TG: variants seen among roughly 807,000 people sequenced by gnomAD.
The protein encoded by TG is thyroglobulin, also known as thyroid hormones.
Under a neutral mutation model 324.7 loss-of-function variants are expected in TG, and 270 were observed. That is an observed-to-expected ratio of 0.83 (90% CI 0.75 to 0.92). The LOEUF is 0.92. Among genes scored for constraint, TG ranks in the 40% least tolerant of loss-of-function variants. The probability of loss-of-function intolerance (pLI) is 0.00; values close to 1 mark genes in which losing one functional copy is unlikely to be tolerated. For missense variants in TG, 3,591 were observed against 3,456.4 expected (o/e 1.04, Z -0.98); for synonymous variants, 1,401 against 1,327.0 (o/e 1.06, Z -1.21).
At chr8:133,019,015 T>C (rs1835314727) in intron 38 of TG, among the ~76,000 whole-genome samples, 2 of 152,236 alleles carry the variant, frequency 1.3e-5, no homozygotes, top group Admixed American at 6.5e-5. Context: ...ATGTACCCAT[T>C]TGACAGATGA....
chr8:133,092,940 C>T (rs551083578), intron 41 of TG, among the ~76,000 whole-genome samples: 1 of 152,336 alleles, frequency 6.6e-6, no homozygotes, highest in South Asian at 2.1e-4. Flanking sequence ...ACGCCTTTAA[C>T]CACTTCCTCA....
At chr8:132,908,981 G>A (rs1819104260) in intron 18 of TG, among the ~76,000 whole-genome samples, 1 of 152,184 alleles carries the variant, frequency 6.6e-6, no homozygotes, top group Non-Finnish European at 1.5e-5. Context: ...TAAAATTGAG[G>A]GAACCGGTAT....
At position 133,070,029 on chromosome 8, in the gene TG, A is replaced by AAAAAAAAAC. The variant is rs376711807; in HGVS notation, c.7240-25014_7240-25013insAAAAAAACA. 1.4e-4 allele frequency among the ~76,000 whole-genome samples: 15 copies of AAAAAAAAAC among 109,810 alleles called. 5 individuals are homozygous for AAAAAAAAAC. The highest frequency in any genetic ancestry group is 2.3e-4 in the African/African-American group (6 of 25,790). 72.0% of individuals were successfully genotyped at this position (109,810 alleles called of 152,430 possible). On this transcript the variant is annotated intron_variant, in intron 41 of 47. Transcript: ENST00000220616. ...AAAAAAAAAAAAAAAAAAAAAAAGA[A>AAAAAAAAAC]AGAAAGAAAGAAAAGAAAAGAAGAA...
rs757630170 is a variant in TG, at chr8:132,882,972, C to T, written c.1048C>T (p.Arg350Trp). The change falls in exon 8 of 48, where the codon CGG (arginine) becomes TGG (tryptophan). Residue 350 changes from arginine to tryptophan, a missense_variant. Physicochemically the swap from Arg to Trp is moderately radical, Grantham distance 101. Coordinates refer to ENST00000220616, the MANE Select transcript of TG (RefSeq NM_003235.5). Reference protein sequence around the residue: ...DAQGKEMHGTRQQGEPPSCAE... With the variant: ...DAQGKEMHGTWQQGEPPSCAE... Reference sequence around the variant, plus strand: ...CCAGGGGAAGGAAATGCATGGAACCCGGCAGCAAGGGGAGCCGCCATCTTG... The same window carrying T: ...CCAGGGGAAGGAAATGCATGGAACCTGGCAGCAAGGGGAGCCGCCATCTTG... 1.9e-6 allele frequency: 3 copies of T among 1,613,846 alleles called. No homozygotes were observed. The highest frequency in any genetic ancestry group is 1.7e-6 in the Non-Finnish European group (2 of 1,179,954).
chr8:132,989,155 A>G (rs1381818447), intron 35 of TG, among the ~76,000 whole-genome samples: 1 of 152,226 alleles, frequency 6.6e-6, no homozygotes, highest in Non-Finnish European at 1.5e-5. Flanking sequence ...CAGCACAGGA[A>G]AGACCTGCCC....
intron 11 of TG, among the ~76,000 whole-genome samples, chr8:132,897,426 T>G (rs1280837678): frequency 6.6e-6 from 1 of 152,246 alleles, no homozygotes; most frequent in African/African-American, 2.4e-5. Flanking sequence ...TACTATAATA[T>G]TCTTTCAAGC....
chr8:133,010,078 A>T (rs1834372258), intron 35 of TG, among the ~76,000 whole-genome samples: 1 of 152,230 alleles, frequency 6.6e-6, no homozygotes, highest in Non-Finnish European at 1.5e-5. Flanking sequence ...ACCCTTTCAT[A>T]CCTGGGGATA....
Position 133,019,610 on chromosome 8 carries a change from G to T in TG, c.6791G>T (p.Cys2264Phe), listed in dbSNP as rs1229345000. 1.2e-6 allele frequency: 2 copies of T among 1,613,666 alleles called. No homozygotes were observed. The highest frequency in any genetic ancestry group is 1.7e-4 in the Middle Eastern group (1 of 6,060). ...SWDASKPRAS[C>F]WQPGTRTSTS... ...CCAGTCTGTATCTGCAGGGCCAGCT[G>T]CTGGCAGCCAGGCACCAGAACATCC... Residue 2264 changes from cysteine (C) to phenylalanine (F), a missense_variant, in exon 39 of 48, where the codon TGC (cysteine) becomes TTC (phenylalanine). By Grantham distance (205) the Cys-to-Phe change is radical. Transcript: ENST00000220616.
At chr8:132,894,059 A>T (rs1816750651) in intron 11 of TG, 130 bp downstream of exon 11, 1 of 1,441,936 alleles carries the variant, frequency 6.9e-7, no homozygotes, top group South Asian at 1.2e-5. Context: ...CTTGGGAAGG[A>T]AAAGGCAAAG....
At chr8:133,010,675 C>T (rs1834425015) in intron 35 of TG, among the ~76,000 whole-genome samples, 1 of 152,206 alleles carries the variant, frequency 6.6e-6, no homozygotes. Flanking sequence ...GACCTAGACT[C>T]ACAGTCCTTT....
At chr8:132,938,494 A>G (rs781689274) in intron 25 of TG, among the ~76,000 whole-genome samples, 1 of 152,210 alleles carries the variant, frequency 6.6e-6, no homozygotes, top group Non-Finnish European at 1.5e-5. Flanking sequence ...TGAGTCTGAA[A>G]GGCCTTCCTG....
chr8:133,039,467 A>T (rs1413166823), intron 41 of TG, among the ~76,000 whole-genome samples: 1 of 152,178 alleles, frequency 6.6e-6, no homozygotes, highest in East Asian at 1.9e-4. Flanking sequence ...CTGGATTGAT[A>T]CTGAATTATT....
chr8:132,967,737 T>C (rs1828842085), intron 30 of TG, 57 bp from the exon 31 acceptor site: 15 of 1,588,834 alleles, frequency 9.4e-6, no homozygotes, highest in Non-Finnish European at 1.3e-5. Flanking sequence ...CCTGTAGAGA[T>C]TATTCTCCCC....
At chr8:133,021,427 C>G (rs1835552218) in intron 39 of TG, among the ~76,000 whole-genome samples, 1 of 152,248 alleles carries the variant, frequency 6.6e-6, no homozygotes, top group African/African-American at 2.4e-5. Context: ...GCAGCCATCT[C>G]TGACACCTGC....
intron 35 of TG, chr8:133,002,901 G>A: frequency 1.6e-6 from 1 of 615,004 alleles, no homozygotes; most frequent in Non-Finnish European, 2.1e-6. Flanking sequence ...TTCCAGTTTT[G>A]CCATGGTAAC....
chr8:133,097,723 T>C (rs1438348690), intron 43 of TG, among the ~76,000 whole-genome samples: 3 of 152,234 alleles, frequency 2.0e-5, no homozygotes, highest in African/African-American at 7.2e-5. Context: ...TCTGGAGATG[T>C]AGAGATGTGA....
intron 41 of TG, among the ~76,000 whole-genome samples, chr8:133,081,333 A>C (rs1845708802): frequency 6.6e-6 from 1 of 152,268 alleles, no homozygotes; most frequent in South Asian, 2.1e-4. Context: ...TTTTGAATTA[A>C]AGTAAATAAA....
chr8:132,959,870 G>A (rs1301269491), intron 27 of TG, among the ~76,000 whole-genome samples: 4 of 152,072 alleles, frequency 2.6e-5, no homozygotes, highest in Non-Finnish European at 5.9e-5. Context: ...TTTGTTTTAG[G>A]TTTTTAGTAT....
At chr8:133,066,763 A>G (rs1424968735) in intron 41 of TG, among the ~76,000 whole-genome samples, 1 of 152,222 alleles carries the variant, frequency 6.6e-6, no homozygotes, top group Non-Finnish European at 1.5e-5. Flanking sequence ...GGATACAAGT[A>G]TATGCCCTAT....
Sources: gnomAD v4.1 joint callset for allele counts (sites outside exome capture counted in the v4.1 genomes callset) on GRCh38, gnomAD v4.1.1 for gene constraint, MANE v1.5 for transcripts, NCBI Gene and HGNC (gene_info 2026-07-23, HGNC 2026-07-21) for gene names.